The following PDZRN4 variants were observed in gnomAD, a reference collection of about 807,000 sequenced individuals.
The protein encoded by PDZRN4 is PDZ domain containing ring finger 4.
A neutral mutation model predicts 99.0 loss-of-function variants in PDZRN4; 70 were observed. The observed-to-expected ratio is 0.71, with a 90% CI of 0.58 to 0.86. PDZRN4 has a LOEUF of 0.86. PDZRN4 is among the 40% of genes least tolerant of loss of function. The pLI is 0.00. For synonymous variants in PDZRN4, 551 were observed against 501.6 expected (o/e 1.10, Z -1.32); for missense variants, 1,474 against 1,331.2 (o/e 1.11, Z -1.67).
chr12:41,478,543 CA>C (rs1937626274), intron 3 of PDZRN4, among the ~76,000 whole-genome samples: 2 of 152,092 alleles, frequency 1.3e-5, no homozygotes, highest in South Asian at 4.1e-4. Flanking sequence ...GTAAAATGTT[CA>C]AAAACATTTT....
chr12:41,407,489 T>C (rs1401161203), intron 3 of PDZRN4, among the ~76,000 whole-genome samples: 1 of 152,122 alleles, frequency 6.6e-6, no homozygotes, highest in East Asian at 1.9e-4. Context: ...TAATTTCATG[T>C]TCATAATAAC....
Position 41,258,225 on chromosome 12 carries a change from A to G in PDZRN4, c.843+64037A>G, listed in dbSNP as rs576104637. ...TATTGTGTTGTAAATTGTAAATTTT[A>G]TGTTTCTATTTTTTCTTCTAGTATC... On this transcript the variant is annotated intron_variant, in intron 3 of 9. Coordinates refer to ENST00000402685, the MANE Select transcript of PDZRN4 (RefSeq NM_001164595.2). Among the ~76,000 whole-genome samples, 4 of 152,282 alleles carry G rather than the reference A, an allele frequency of 2.6e-5. No homozygotes were observed. The East Asian group carries it at 5.8e-4, about 22-fold the overall frequency.
At chr12:41,530,967 G>T (rs979717115) in intron 5 of PDZRN4, among the ~76,000 whole-genome samples, 1 of 151,974 alleles carries the variant, frequency 6.6e-6, no homozygotes, top group African/African-American at 2.4e-5. Flanking sequence ...AGGCTGTGGG[G>T]CTTCCACCCC....
chr12:41,242,582 A>T (rs557666411), intron 3 of PDZRN4, among the ~76,000 whole-genome samples: 1 of 152,314 alleles, frequency 6.6e-6, no homozygotes, highest in Non-Finnish European at 1.5e-5. Flanking sequence ...ACACAAAATT[A>T]TTAAGAACTA....
At chr12:41,209,615 C>A (rs992739570) in intron 3 of PDZRN4, among the ~76,000 whole-genome samples, 1 of 149,880 alleles carries the variant, frequency 6.7e-6, no homozygotes, top group East Asian at 2.0e-4. Flanking sequence ...TTTGTCCTTG[C>A]GATAGTTTGC....
intron 3 of PDZRN4, among the ~76,000 whole-genome samples, chr12:41,265,027 A>G (rs1951267126): frequency 6.6e-6 from 1 of 152,186 alleles, no homozygotes; most frequent in South Asian, 2.1e-4. Context: ...GTTCAATTGA[A>G]GCCCAGACCT....
In PDZRN4 at chr12:41,214,252, TAAAAAAAAAAA is replaced by T. The variant is rs60618442; in HGVS notation, c.843+20080_843+20090del. Among the ~76,000 whole-genome samples the T allele has an allele frequency of 9.4e-5, 8 of 84,780 alleles. No individual in the cohort carries two copies. The East Asian group carries it at 1.3e-3, about 14-fold the overall frequency. 55.6% of individuals were successfully genotyped at this position (84,780 alleles called of 152,430 possible). On this transcript the variant is annotated intron_variant, in intron 3 of 9. Transcript: ENST00000402685. ...GAGCAACATAGTGAGACCCTGTATT[TAAAAAAAAAAA>T]AAAAAAAAAAAAAAAGTTAACCAGG...
intron 3 of PDZRN4, among the ~76,000 whole-genome samples, chr12:41,490,742 A>G (rs933048509): frequency 2.0e-5 from 3 of 151,864 alleles, no homozygotes; most frequent in African/African-American, 7.3e-5. Context: ...TGGCTTATTG[A>G]TTTTAGAGAG....
At chr12:41,255,703 C>T (rs940014876) in intron 3 of PDZRN4, among the ~76,000 whole-genome samples, 8 of 152,196 alleles carry the variant, frequency 5.3e-5, no homozygotes, top group Non-Finnish European at 7.4e-5. Flanking sequence ...CATGGTTTTG[C>T]GAGCTGTACA....
intron 5 of PDZRN4, among the ~76,000 whole-genome samples, chr12:41,535,073 T>C (rs1756837438): frequency 6.6e-6 from 1 of 152,200 alleles, no homozygotes; most frequent in South Asian, 2.1e-4. Context: ...AGTTCTAATG[T>C]TTATAAATTC....
intron 5 of PDZRN4, among the ~76,000 whole-genome samples, chr12:41,537,949 G>C (rs77967462): frequency 1.1e-4 from 16 of 152,084 alleles, no homozygotes; most frequent in African/African-American, 3.9e-4. Context: ...ACTAAACTTG[G>C]CAGCTGAAAA....
At chr12:41,509,050 G>A (rs1347918719) in intron 4 of PDZRN4, among the ~76,000 whole-genome samples, 1 of 151,972 alleles carries the variant, frequency 6.6e-6, no homozygotes, top group Non-Finnish European at 1.5e-5. Context: ...ATACTAAATC[G>A]AATAACATGT....
chr12:41,223,826 T>C (rs1337150570), intron 3 of PDZRN4, among the ~76,000 whole-genome samples: 1 of 152,138 alleles, frequency 6.6e-6, no homozygotes, highest in Non-Finnish European at 1.5e-5. Flanking sequence ...GTCTCACTGC[T>C]GAGAAACCCA....
intron 3 of PDZRN4, among the ~76,000 whole-genome samples, chr12:41,362,586 C>G (rs1951971840): frequency 6.6e-6 from 1 of 151,996 alleles, no homozygotes; most frequent in African/African-American, 2.4e-5. Flanking sequence ...GCAAGTTTAG[C>G]ATATATCTAT....
intron 3 of PDZRN4, among the ~76,000 whole-genome samples, chr12:41,237,539 G>T (rs536956293): frequency 1.3e-5 from 2 of 152,118 alleles, no homozygotes; most frequent in African/African-American, 4.8e-5. Context: ...TGAAATATTT[G>T]CCCATACCTA....
intron 3 of PDZRN4, among the ~76,000 whole-genome samples, chr12:41,280,647 G>A (rs1475759567): frequency 3.3e-5 from 5 of 151,168 alleles, no homozygotes; most frequent in Non-Finnish European, 5.9e-5. Flanking sequence ...CCACTGTAGC[G>A]AGACTGCCTC....
At chr12:41,408,037 A>G (rs1466877436) in intron 3 of PDZRN4, among the ~76,000 whole-genome samples, 1 of 152,202 alleles carries the variant, frequency 6.6e-6, no homozygotes, top group Non-Finnish European at 1.5e-5. Context: ...GTGATGTTTG[A>G]TAATAAGGCG....
intron 3 of PDZRN4, among the ~76,000 whole-genome samples, chr12:41,368,098 CAGTCCTACTTTTAAAATCAAAGTAGAGA>C (rs1386177758): frequency 6.6e-6 from 1 of 152,004 alleles, no homozygotes; most frequent in Non-Finnish European, 1.5e-5. Context: ...TCAAAAAGCC[CAGTCCTACTTTTAAAATCAAAGTAGAGA>C]AAGATGAAAA....
chr12:41,401,854 C>G (rs1400402776), intron 3 of PDZRN4, among the ~76,000 whole-genome samples: 1 of 151,638 alleles, frequency 6.6e-6, no homozygotes, highest in Non-Finnish European at 1.5e-5. Flanking sequence ...GCCAAAACAG[C>G]CAAAAATGAT....
Sources: allele counts gnomAD v4.1 joint callset (sites outside exome capture counted in the v4.1 genomes callset), GRCh38; gene constraint gnomAD v4.1.1; transcripts MANE v1.5; gene names NCBI Gene and HGNC (gene_info 2026-07-23, HGNC 2026-07-21).